Variants in ZNF700 observed in about 807,000 individuals in gnomAD.
ZNF700 encodes zinc finger protein 700.
A neutral mutation model predicts 65.3 loss-of-function variants in ZNF700; 38 were observed. The ratio of observed to expected loss-of-function variants is 0.58; its 90% CI spans 0.45 to 0.76. ZNF700 has a LOEUF of 0.76. Ranked by LOEUF, ZNF700 falls within the 30% of genes least tolerant of loss-of-function variation. The pLI is 0.00. For missense variants in ZNF700, 857 were observed against 888.4 expected, an observed-to-expected ratio of 0.96 and a Z score of 0.45; for synonymous variants, 285 against 290.4, an observed-to-expected ratio of 0.98 and a Z score of 0.19.
intron 3 of ZNF700, 68 bp downstream of exon 3, chr19:11,947,642 G>A (rs1484346878): frequency 1.4e-6 from 2 of 1,395,008 alleles, no homozygotes; most frequent in Non-Finnish European, 2.0e-6. Flanking sequence ...ATATGTTGAA[G>A]AGAAGTAAAA....
chr19:11,927,763 G>A (rs1972653556), intron 1 of ZNF700, among the ~76,000 whole-genome samples: 1 of 152,144 alleles, frequency 6.6e-6, no homozygotes, highest in Non-Finnish European at 1.5e-5. Flanking sequence ...TATTGTTGTG[G>A]GAGTGTAAGG....
Position 11,949,652 on chromosome 19 carries a change from A to C in ZNF700, c.1628A>C (p.Lys543Thr), listed in dbSNP as rs764934081. The change falls in exon 4 of 4, where the codon AAA (lysine) becomes ACA (threonine). Residue 543 changes from lysine (K) to threonine (T), a missense_variant. Around this residue, in one of 3 missense-constraint regions of ZNF700, gnomAD observed 251 missense variants for 250.3 expected, o/e 1.00. Transcript: ENST00000254321. Reference protein sequence around the residue: ...EKPYECNQCGKAFRCCNSLRY... With the variant: ...EKPYECNQCGTAFRCCNSLRY... ...CCCTATGAATGCAACCAATGTGGTA[A>C]AGCCTTCAGATGTTGCAATTCCCTT... 1.5e-5 allele frequency: 24 copies of C among 1,614,024 alleles called. No individual in the cohort carries two copies. Among genetic ancestry groups the C allele is most frequent in the Non-Finnish European group, 1.9e-5 (23 of 1,179,998 alleles).
chr19:11,945,755 G>A (rs556337775), intron 1 of ZNF700, among the ~76,000 whole-genome samples: 54 of 152,056 alleles, frequency 3.6e-4, no homozygotes, highest in South Asian at 6.2e-4. Flanking sequence ...CTCCCTTTCC[G>A]GGTAACTTTA....
At chr19:11,942,614 TC>T (rs1972902951) in intron 1 of ZNF700, among the ~76,000 whole-genome samples, 1 of 152,164 alleles carries the variant, frequency 6.6e-6, no homozygotes, top group Non-Finnish European at 1.5e-5. Flanking sequence ...TACACAGGGA[TC>T]CACATGAAAG....
At position 11,948,027 on chromosome 19, in the gene ZNF700, C is replaced by G. The variant is rs1599294320; in HGVS notation, c.252-249C>G. ...CTGGACTCAAAAGAAAAATGACATACAGTATTTAGTAATTGTAAAATAGTT... is the reference window on the plus strand; with the variant it reads ...CTGGACTCAAAAGAAAAATGACATAGAGTATTTAGTAATTGTAAAATAGTT... On this transcript the variant is annotated intron_variant, in intron 3 of 3. Transcript: ENST00000254321. Among the ~76,000 whole-genome samples, 5 of 152,278 alleles carry G rather than the reference C, an allele frequency of 3.3e-5. 1 individual carries two copies. Among genetic ancestry groups the G allele is most frequent in the Admixed American group, 3.3e-4 (5 of 15,294 alleles).
rs111441932 is a variant in ZNF700, at chr19:11,949,402, C to T, written c.1378C>T (p.His460Tyr). The T allele has an allele frequency of 1.1e-4, 173 of 1,612,350 alleles. No individual in the cohort carries two copies. The African/African-American group carries it at 2.1e-3, about 19-fold the overall frequency. Residue 460 changes from histidine to tyrosine, a missense_variant, in exon 4 of 4, where the codon CAC becomes TAC. Physicochemically the swap from His to Tyr is moderately conservative, Grantham distance 83. Around this residue, in one of 3 missense-constraint regions of ZNF700, gnomAD observed 603 missense variants for 619.9 expected, o/e 0.97. Transcript: ENST00000254321. ...TGGGAAAGCCTTCAGATCTACCTCACACCTTCGAGTGCATGGTAGGACTCA... is the reference window on the plus strand; with the variant it reads ...TGGGAAAGCCTTCAGATCTACCTCATACCTTCGAGTGCATGGTAGGACTCA... ...ECGKAFRSTS[H>Y]LRVHGRTHTG... is the part of the protein sequence containing the mutation.
In ZNF700 at chr19:11,928,951, T is replaced by C. The variant is rs1306181079; in HGVS notation, c.63+3678T>C. 1.4e-5 allele frequency among the ~76,000 whole-genome samples: 2 copies of C among 146,964 alleles called. 1 individual carries two copies. The highest frequency in any genetic ancestry group is 5.4e-5 in the African/African-American group (2 of 37,028). On this transcript the variant is annotated intron_variant, in intron 1 of 3. Coordinates refer to ENST00000254321, the MANE Select transcript of ZNF700 (RefSeq NM_144566.3). ...TCATATTAATATAAGTTAAAAAAAA[T>C]AGTGGAGAGGGAAAGGGTCTTTCCT...
intron 1 of ZNF700, among the ~76,000 whole-genome samples, chr19:11,937,511 C>CT (rs1972815805): frequency 1.5e-5 from 2 of 135,786 alleles, no homozygotes; most frequent in Admixed American, 7.7e-5. Flanking sequence ...TTTTTTGAGA[C>CT]AGAGTCTCGC....
Position 11,945,964 on chromosome 19 carries a change from T to C in ZNF700, c.64-1217T>C, listed in dbSNP as rs188225421. Among the ~76,000 whole-genome samples the C allele has an allele frequency of 1.7e-3, 255 of 152,230 alleles. 3 individuals are homozygous for C. Among genetic ancestry groups the C allele is most frequent in the African/African-American group, 5.8e-3 (240 of 41,552 alleles). On this transcript the variant is annotated intron_variant, in intron 1 of 3. Transcript: ENST00000254321. ...TGTGGCTTCGATTATATCAATAGTC[T>C]TTTTGGATAAGGGGGTGACCGGGGT...
rs537769965 is a variant in ZNF700 at position 11,942,988 on chromosome 19, C to T, written c.64-4193C>T. Among the ~76,000 whole-genome samples, 32 of 152,286 alleles carry T rather than the reference C, an allele frequency of 2.1e-4. No homozygotes were observed. The South Asian group carries it at 6.4e-3, about 31-fold the overall frequency. On this transcript the variant is annotated intron_variant, in intron 1 of 3. Transcript: ENST00000254321. ...ACCTAGGTCTTCCTGCAAGACAGATCAATAGTGGTTAATGTAATACACTTG... is the reference window on the plus strand; with the variant it reads ...ACCTAGGTCTTCCTGCAAGACAGATTAATAGTGGTTAATGTAATACACTTG...
At chr19:11,947,648 T>C (rs1972982401) in intron 3 of ZNF700, 74 bp downstream of exon 3, 1 of 1,338,902 alleles carries the variant, frequency 7.5e-7, no homozygotes, top group South Asian at 1.3e-5. Flanking sequence ...TGAAGAGAAG[T>C]AAAACAAAGA....
rs368460396 is a variant in ZNF700 at position 11,950,272 on chromosome 19, C to G, written c.*19C>G. On this transcript the variant is annotated 3_prime_UTR_variant, in exon 4 of 4. Coordinates refer to ENST00000254321, the MANE Select transcript of ZNF700 (RefSeq NM_144566.3). The stretch of plus-strand genomic sequence containing the variant: ...CAGCTAGCCTGGTTCCTTTTATGGA[C>G]ATGAATAGACTCACACTGGAAGGAA... 2 of 1,594,024 alleles carry G rather than the reference C, an allele frequency of 1.3e-6. No homozygotes were observed. Among genetic ancestry groups the G allele is most frequent in the Non-Finnish European group, 8.5e-7 (1 of 1,173,068 alleles).
rs920759778 is a variant in ZNF700 at position 11,933,895 on chromosome 19, C to A, written c.63+8622C>A. 4.8e-5 allele frequency among the ~76,000 whole-genome samples: 7 copies of A among 146,688 alleles called. 1 individual carries two copies. The highest frequency in any genetic ancestry group is 7.4e-5 in the Non-Finnish European group (5 of 67,762). On this transcript the variant is annotated intron_variant, in intron 1 of 3. Transcript: ENST00000254321. Reference sequence around the variant, plus strand: ...TTTTGTTTTGTTAGAGACAGGGTCTCAAACACCCCAGCTCAGGTGATCCTC... The same window carrying A: ...TTTTGTTTTGTTAGAGACAGGGTCTAAAACACCCCAGCTCAGGTGATCCTC...
Position 11,947,285 on chromosome 19 carries a change from T to G in ZNF700, c.168T>G (p.Thr56=). 1 of 1,614,004 alleles carries G rather than the reference T, an allele frequency of 6.2e-7. No homozygotes were observed. Among genetic ancestry groups the G allele is most frequent in the Non-Finnish European group, 8.5e-7 (1 of 1,179,986 alleles). The change falls in exon 2 of 4, where the codon ACT becomes ACG. Residue 56 remains threonine, a synonymous_variant. Coordinates refer to ENST00000254321, the MANE Select transcript of ZNF700 (RefSeq NM_144566.3). ...TCTTCAGGGAAGTGATGCTGGAAAC[T>G]TTCAGGAACCTGACCTCTATAGGTA... ...KNLFREVMLE[T]FRNLTSIGKK... is the part of the protein sequence containing the mutation.
intron 1 of ZNF700, among the ~76,000 whole-genome samples, chr19:11,936,853 T>G (rs1972803476): frequency 6.6e-6 from 1 of 152,234 alleles, no homozygotes; most frequent in African/African-American, 2.4e-5. Flanking sequence ...CCATCTTGAA[T>G]TAATTTTTGT....
chr19:11,948,827 A>G lies in ZNF700; in HGVS notation c.803A>G (p.His268Arg), dbSNP rs768752953. 3 of 1,609,482 alleles carry G rather than the reference A, an allele frequency of 1.9e-6. No homozygotes were observed. In the African/African-American group the frequency reaches 4.0e-5, roughly 22 times the overall value. The stretch of plus-strand genomic sequence containing the variant: ...ACTTATTCTGCTACCCTTCAAATAC[A>G]TGAAAGAACTCACACTGGGGAGAAG... Reference protein sequence around the residue: ...SFTYSATLQIHERTHTGEKPY... With the variant: ...SFTYSATLQIRERTHTGEKPY... Residue 268 changes from histidine to arginine, a missense_variant, in exon 4 of 4, where the codon CAT becomes CGT. Physicochemically the swap from His to Arg is conservative, Grantham distance 29 (BLOSUM62 0). Around this residue, in one of 3 missense-constraint regions of ZNF700, gnomAD observed 603 missense variants for 619.9 expected, o/e 0.97. Transcript: ENST00000254321.
chr19:11,932,029 C>T lies in ZNF700; in HGVS notation c.63+6756C>T, dbSNP rs1001698293. ...ACTCAGGAGGCTGAGGCAGGAGAAT[C>T]GCTTGAACCTGGGAGGTGGAGGTTG... On this transcript the variant is annotated intron_variant, in intron 1 of 3. Coordinates refer to ENST00000254321, the MANE Select transcript of ZNF700 (RefSeq NM_144566.3). 7.5e-5 allele frequency among the ~76,000 whole-genome samples: 11 copies of T among 147,548 alleles called. 1 individual carries two copies. The highest frequency in any genetic ancestry group is 1.6e-4 in the Non-Finnish European group (11 of 67,790).
chr19:11,942,000 G>A (rs1972892887), intron 1 of ZNF700, among the ~76,000 whole-genome samples: 2 of 152,088 alleles, frequency 1.3e-5, no homozygotes, highest in South Asian at 2.1e-4. Flanking sequence ...TCTCTTAGGA[G>A]TTTCTCGTTT....
chr19:11,950,751 GTT>G lies in ZNF700; in HGVS notation c.*501_*502del, dbSNP rs1302743394. 1 of 205,016 alleles carries G rather than the reference GTT, an allele frequency of 4.9e-6. No homozygotes were observed. Among genetic ancestry groups the G allele is most frequent in the Non-Finnish European group, 1.0e-5 (1 of 99,540 alleles). 12.7% of individuals were successfully genotyped at this position (205,016 alleles called of 1,614,324 possible). On this transcript the variant is annotated 3_prime_UTR_variant, in exon 4 of 4. Transcript: ENST00000254321. The stretch of plus-strand genomic sequence containing the variant: ...GAAGGTATAATAAAATATCCCATTG[GTT>G]TTATGTATTAGATCAAGCTTATAAT...
Sources: gnomAD v4.1 joint callset for allele counts (sites outside exome capture counted in the v4.1 genomes callset) on GRCh38, gnomAD v4.1.1 for gene constraint, gnomAD v4.1.1 regional missense constraint, MANE v1.5 for transcripts, NCBI Gene and HGNC (gene_info 2026-07-23, HGNC 2026-07-21) for gene names.